DYNC2H1: variants seen among roughly 807,000 people sequenced by gnomAD.
DYNC2H1 encodes the protein dynein cytoplasmic 2 heavy chain 1.
Under a neutral mutation model 570.0 loss-of-function variants are expected in DYNC2H1, and 410 were observed. The observed-to-expected ratio is 0.72, with a 90% CI of 0.66 to 0.78. The LOEUF (loss-of-function observed/expected upper bound fraction) is 0.78, where lower values mean the gene tolerates loss of function less well. Ranked by LOEUF, DYNC2H1 falls within the 30% of genes least tolerant of loss-of-function variation. The pLI, the probability that DYNC2H1 is intolerant of heterozygous loss-of-function variation, is 0.00. For synonymous variants in DYNC2H1, 1,688 were observed against 1,677.6 expected, an observed-to-expected ratio of 1.01 and a Z score of -0.15; for missense variants, 4,865 against 5,046.4, an observed-to-expected ratio of 0.96 and a Z score of 1.09.
intron 11 of DYNC2H1, among the ~76,000 whole-genome samples, chr11:103,124,483 A>AC (rs1230149894): frequency 6.6e-6 from 1 of 150,732 alleles, no homozygotes; most frequent in African/African-American, 2.4e-5. Flanking sequence ...CATTATATAA[A>AC]CCTAATCCTA....
chr11:103,183,392 C>T (rs921742253), intron 40 of DYNC2H1, among the ~76,000 whole-genome samples: 7 of 151,698 alleles, frequency 4.6e-5, no homozygotes, highest in East Asian at 3.9e-4. Context: ...GTAGAAATGA[C>T]GACAGGATAA....
intron 82 of DYNC2H1, among the ~76,000 whole-genome samples, chr11:103,346,105 A>G (rs1939731407): frequency 6.6e-6 from 1 of 152,268 alleles, no homozygotes; most frequent in Non-Finnish European, 1.5e-5. Flanking sequence ...TGTAATGATG[A>G]CTTTTCTATT....
rs1862893771 is a variant in DYNC2H1 at position 103,205,570 on chromosome 11, G to C, written c.8454+606G>C. On this transcript the variant is annotated intron_variant, in intron 52 of 88. Transcript: ENST00000375735. The surrounding 1 kb of genome is among the most constrained non-coding windows in gnomAD (Gnocchi z 4.5). ...CAGATGAGGTAATATTTTAGTTACT[G>C]AAAGATATTTTAGCTTGAGGAGGCC... is the stretch of plus-strand genomic sequence containing the variant. Among the ~76,000 whole-genome samples the C allele has an allele frequency of 1.3e-5, 2 of 152,136 alleles. No individual in the cohort carries two copies. Among genetic ancestry groups the C allele is most frequent in the Non-Finnish European group, 2.9e-5 (2 of 68,024 alleles).
At position 103,410,912 on chromosome 11, in the gene DYNC2H1, G is replaced by T. The variant is rs74507710; in HGVS notation, c.12366+11040G>T. 4.0e-3 allele frequency among the ~76,000 whole-genome samples: 615 copies of T among 152,174 alleles called. 2 individuals are homozygous for T. Among genetic ancestry groups the T allele is most frequent in the African/African-American group, 0.014 (572 of 41,522 alleles). On this transcript the variant is annotated intron_variant, in intron 84 of 88. Coordinates refer to ENST00000375735, the MANE Select transcript of DYNC2H1 (RefSeq NM_001377.3). ...TAAATATTTATCACTGCTGTTTCCC[G>T]TGGGGGTGTGGTTGAGCAAAGTATT...
At position 103,239,850 on chromosome 11, in the gene DYNC2H1, A is replaced by G. The variant is rs940829124; in HGVS notation, c.9819+3311A>G. Among the ~76,000 whole-genome samples the G allele has an allele frequency of 1.3e-5, 2 of 152,136 alleles. No individual in the cohort carries two copies. The highest frequency in any genetic ancestry group is 2.9e-5 in the Non-Finnish European group (2 of 68,020). On this transcript the variant is annotated intron_variant, in intron 63 of 88. Transcript: ENST00000375735. The surrounding 1 kb of genome is among the most constrained non-coding windows in gnomAD (Gnocchi z 4.3). ...TTTAAAAATTATCTCTTTCAAAAAT[A>G]TCCTTTGACCAATCTTTTTTTCCCC...
At position 103,223,039 on chromosome 11, in the gene DYNC2H1, C is replaced by G; in HGVS notation, c.9306C>G (p.Val3102=). The G allele has an allele frequency of 6.2e-7, 1 of 1,613,246 alleles. No individual in the cohort carries two copies. The highest frequency in any genetic ancestry group is 2.2e-5 in the East Asian group (1 of 44,764). Residue 3102 remains valine (V), a synonymous_variant, in exon 59 of 89, where the codon GTC becomes GTG. Transcript: ENST00000375735. ...WVKANIQYSH[V]LERIHPLETE... is the part of the protein sequence containing the mutation. ...AAGCCAATATTCAGTATTCCCATGT[C>G]TTGGAACGAATTCATCCTTTGGAAA...
chr11:103,418,055 C>T (rs1006871145), intron 84 of DYNC2H1, among the ~76,000 whole-genome samples: 6 of 150,888 alleles, frequency 4.0e-5, no homozygotes, highest in African/African-American at 1.5e-4. Context: ...GATGAAAGGG[C>T]ATCTATGAAA....
chr11:103,311,804 T>C, intron 78 of DYNC2H1, 74 bp from the exon 79 acceptor site: 1 of 1,437,672 alleles, frequency 7.0e-7, no homozygotes, highest in African/African-American at 1.5e-5. Flanking sequence ...AATTATGTTC[T>C]TAAATATGTT....
intron 84 of DYNC2H1, among the ~76,000 whole-genome samples, chr11:103,416,066 C>T (rs3018429): frequency 0.51 from 77,146 of 151,978 alleles, 19,851 homozygotes; most frequent in African/African-American, 0.6. Context: ...AACCAAACAC[C>T]ACATGTTCTC....
At chr11:103,337,143 G>A (rs1294970626) in intron 82 of DYNC2H1, among the ~76,000 whole-genome samples, 1 of 152,196 alleles carries the variant, frequency 6.6e-6, no homozygotes, top group Non-Finnish European at 1.5e-5. Context: ...ACATGTTTCT[G>A]CTGCAGATAA....
chr11:103,168,606 C>T (rs1861433292), intron 31 of DYNC2H1, 149 bp from the exon 32 acceptor site: 3 of 759,016 alleles, frequency 4.0e-6, no homozygotes, highest in African/African-American at 1.8e-5. Context: ...ACTTTTTTAG[C>T]TTATGTGATT....
At position 103,249,382 on chromosome 11, in the gene DYNC2H1, C is replaced by T. The variant is rs910120254; in HGVS notation, c.10043-3903C>T. ...AACTTTTTATTTAAAAATAAATATG[C>T]GTAAAGAAAAGAATACCTAAATTTA... On this transcript the variant is annotated intron_variant, in intron 65 of 88. Coordinates refer to ENST00000375735, the MANE Select transcript of DYNC2H1 (RefSeq NM_001377.3). This position sits in a 1 kb window ranked among gnomAD's most constrained non-coding sequence, Gnocchi z 4.6. 8.6e-5 allele frequency among the ~76,000 whole-genome samples: 13 copies of T among 151,670 alleles called. No homozygotes were observed. The highest frequency in any genetic ancestry group is 4.1e-4 in the South Asian group (2 of 4,824).
chr11:103,247,553 G>T (rs2135238125), intron 65 of DYNC2H1, among the ~76,000 whole-genome samples: 1 of 152,146 alleles, frequency 6.6e-6, no homozygotes, highest in East Asian at 1.9e-4. Context: ...ATTTTTGGTT[G>T]TCACAGCTGG....
chr11:103,272,998 T>C (rs1421660000), intron 70 of DYNC2H1, among the ~76,000 whole-genome samples: 2 of 152,100 alleles, frequency 1.3e-5, no homozygotes, highest in Non-Finnish European at 2.9e-5. Flanking sequence ...AATTTCTTGA[T>C]CTGATAAAGC....
At chr11:103,404,405 A>T (rs1942776349) in intron 84 of DYNC2H1, 1 of 151,108 alleles carries the variant, frequency 6.6e-6, no homozygotes, top group Non-Finnish European at 1.5e-5. Context: ...CAGTTGTTAG[A>T]ACTTTTCATT....
At chr11:103,367,019 T>G (rs1019745610) in intron 83 of DYNC2H1, among the ~76,000 whole-genome samples, 1 of 152,162 alleles carries the variant, frequency 6.6e-6, no homozygotes, top group Non-Finnish European at 1.5e-5. Flanking sequence ...TTTAATATCA[T>G]GGGTCATTTT....
At chr11:103,116,065 T>C (rs1005979993) in intron 4 of DYNC2H1, among the ~76,000 whole-genome samples, 1 of 152,188 alleles carries the variant, frequency 6.6e-6, no homozygotes, top group African/African-American at 2.4e-5. Flanking sequence ...TATATATTAA[T>C]TTTCTACTCA....
chr11:103,437,354 G>T (rs1374960253), intron 85 of DYNC2H1, among the ~76,000 whole-genome samples: 2 of 151,998 alleles, frequency 1.3e-5, no homozygotes, highest in African/African-American at 4.8e-5. Context: ...CTCCTCCAGG[G>T]GGTCTTCCCT....
At chr11:103,410,533 G>A (rs1207267647) in intron 84 of DYNC2H1, among the ~76,000 whole-genome samples, 1 of 152,080 alleles carries the variant, frequency 6.6e-6, no homozygotes, top group Non-Finnish European at 1.5e-5. Context: ...ATAAAGCACC[G>A]CCAAGTCCTT....
Sources: gnomAD v4.1 joint callset for allele counts (sites outside exome capture counted in the v4.1 genomes callset) on GRCh38, gnomAD v4.1.1 for gene constraint, Gnocchi (gnomAD v3.1) non-coding constraint, MANE v1.5 for transcripts, NCBI Gene and HGNC (gene_info 2026-07-23, HGNC 2026-07-21) for gene names.